TENM2: variants seen among roughly 807,000 people sequenced by gnomAD.
TENM2 encodes teneurin transmembrane protein 2.
TENM2 carries 52 observed loss-of-function variants against 245.2 expected under a neutral mutation model. The ratio of observed to expected loss-of-function variants is 0.21; its 90% CI spans 0.17 to 0.27. The LOEUF (loss-of-function observed/expected upper bound fraction) is 0.27, where lower values mean the gene tolerates loss of function less well. Among genes scored for constraint, TENM2 ranks in the 10% least tolerant of loss-of-function variants. TENM2 has a pLI of 1.00. For synonymous variants in TENM2, 1,363 were observed against 1,438.9 expected, an observed-to-expected ratio of 0.95 and a Z score of 1.19; for missense variants, 3,046 against 3,666.8, an observed-to-expected ratio of 0.83 and a Z score of 4.37.
chr5:168,019,012 A>G (rs984332614), intron 5 of TENM2, among the ~76,000 whole-genome samples: 1 of 152,176 alleles, frequency 6.6e-6, no homozygotes, highest in Non-Finnish European at 1.5e-5. Flanking sequence ...AGTACTTTAG[A>G]GGGGAGATGG....
intron 4 of TENM2, among the ~76,000 whole-genome samples, chr5:167,953,151 C>A (rs1045772046): frequency 6.6e-6 from 1 of 152,150 alleles, no homozygotes; most frequent in Admixed American, 6.5e-5. Flanking sequence ...CTGAAAGCTG[C>A]TGATAAATTA....
At chr5:167,640,301 G>A (rs1007227795) in intron 2 of TENM2, among the ~76,000 whole-genome samples, 1 of 152,162 alleles carries the variant, frequency 6.6e-6, no homozygotes, top group Non-Finnish European at 1.5e-5. Context: ...TTGTGAGAAC[G>A]AAGTAACAAA....
intron 2 of TENM2, among the ~76,000 whole-genome samples, chr5:167,726,134 G>A (rs1759987147): frequency 1.4e-5 from 2 of 146,066 alleles, no homozygotes; most frequent in Non-Finnish European, 1.5e-5. Context: ...CACGCTGCAC[G>A]GCATAGAGCA....
chr5:168,030,569 T>A (rs1787052247), intron 5 of TENM2, among the ~76,000 whole-genome samples: 1 of 152,174 alleles, frequency 6.6e-6, no homozygotes, highest in South Asian at 2.1e-4. Flanking sequence ...TCTGCTGGTC[T>A]GGGAACTACA....
chr5:168,199,820 C>CAGGTGTGTTTT, intron 16 of TENM2, 44 bp from the exon 19 acceptor site: 3 of 1,589,260 alleles, frequency 1.9e-6, no homozygotes, highest in Non-Finnish European at 2.6e-6. Context: ...TTTACCTGCA[C>CAGGTGTGTTTT]AGGTGTGTTT....
At chr5:167,761,485 A>C (rs1561750545) in intron 2 of TENM2, among the ~76,000 whole-genome samples, 1 of 152,156 alleles carries the variant, frequency 6.6e-6, no homozygotes, top group Non-Finnish European at 1.5e-5. Flanking sequence ...CCACATGGAG[A>C]AATATGGACT....
At chr5:168,248,256 C>T (rs1263221460) in exon 27 of TENM2, 1 of 1,614,032 alleles carries the variant, frequency 6.2e-7, no homozygotes, top group Non-Finnish European at 8.5e-7. Flanking sequence ...GATGGACCTC[C>T]CCAGACTATA....
intron 2 of TENM2, among the ~76,000 whole-genome samples, chr5:167,462,862 G>A (rs1413245783): frequency 6.6e-6 from 1 of 151,950 alleles, no homozygotes; most frequent in Non-Finnish European, 1.5e-5. Flanking sequence ...GCTGGAGGGT[G>A]GAGCGTTTGC....
chr5:167,555,388 T>C (rs980023824), intron 2 of TENM2, among the ~76,000 whole-genome samples: 1 of 152,244 alleles, frequency 6.6e-6, no homozygotes, highest in Non-Finnish European at 1.5e-5. Context: ...CTCATTTATA[T>C]GTTTCAAAAA....
At chr5:168,237,885 G>A (rs1421512227) in intron 25 of TENM2, among the ~76,000 whole-genome samples, 6 of 151,818 alleles carry the variant, frequency 4.0e-5, no homozygotes, top group Non-Finnish European at 8.8e-5. Flanking sequence ...GCTCATGCCT[G>A]TAATCCCAGC....
At chr5:168,028,799 CAAAAA>C (rs34319215) in intron 5 of TENM2, among the ~76,000 whole-genome samples, 197 of 122,100 alleles carry the variant, frequency 1.6e-3, no homozygotes, top group African/African-American at 5.4e-3. Context: ...TAGCAACTGT[CAAAAA>C]AAAAAAAAAA....
At chr5:167,908,298 C>T (rs541961464) in intron 3 of TENM2, among the ~76,000 whole-genome samples, 5 of 148,424 alleles carry the variant, frequency 3.4e-5, no homozygotes, top group Non-Finnish European at 6.0e-5. Context: ...TTCCCCTACC[C>T]TCCCTTCCCC....
At chr5:167,556,145 C>A (rs1773247218) in intron 2 of TENM2, among the ~76,000 whole-genome samples, 1 of 152,060 alleles carries the variant, frequency 6.6e-6, no homozygotes, top group African/African-American at 2.4e-5. Context: ...GAGTTACAAC[C>A]AATCAGATAT....
chr5:167,062,249 G>GT, the TENM2 span, among the ~76,000 whole-genome samples: 2 of 152,056 alleles, frequency 1.3e-5, no homozygotes, highest in Non-Finnish European at 2.9e-5. Flanking sequence ...AGTATGGAAT[G>GT]TAATAGTTGA....
Position 168,069,395 on chromosome 5 carries a change from G to T in TENM2, c.1515+7130G>T, listed in dbSNP as rs78098917. On this transcript the variant is annotated intron_variant, in intron 7 of 28. Transcript: ENST00000518659. ...GTTCATTGAAGCCCCTCTCAGTAAG[G>T]ATGCTTTGTAGGGAAGCTAAAGTTG... Among the ~76,000 whole-genome samples the T allele has an allele frequency of 9.7e-4, 147 of 152,284 alleles. 1 individual carries two copies. In the East Asian group the frequency reaches 0.027, roughly 28 times the overall value.
chr5:167,153,866 C>G, the TENM2 span, among the ~76,000 whole-genome samples: 1 of 152,038 alleles, frequency 6.6e-6, no homozygotes, highest in Non-Finnish European at 1.5e-5. Context: ...AGGTCAGAAA[C>G]TCATTACATT....
chr5:167,216,604 G>A, the TENM2 span, among the ~76,000 whole-genome samples: 1 of 152,244 alleles, frequency 6.6e-6, no homozygotes, highest in South Asian at 2.1e-4. Flanking sequence ...CAGCCAGATA[G>A]CAGATATCTT....
chr5:168,167,057 G>A (rs2152461105), intron 13 of TENM2, among the ~76,000 whole-genome samples: 1 of 151,984 alleles, frequency 6.6e-6, no homozygotes, highest in South Asian at 2.1e-4. Context: ...GCAGCTGGCA[G>A]ACTGTCTTTT....
the TENM2 span, among the ~76,000 whole-genome samples, chr5:167,235,630 C>T: frequency 6.6e-6 from 1 of 152,160 alleles, no homozygotes; most frequent in Non-Finnish European, 1.5e-5. Flanking sequence ...TGTAATGGCT[C>T]CTTTCTCAGA....
Sources: gnomAD v4.1 joint callset for allele counts (sites outside exome capture counted in the v4.1 genomes callset) on GRCh38, gnomAD v4.1.1 for gene constraint, MANE v1.5 for transcripts, NCBI Gene and HGNC (gene_info 2026-07-23, HGNC 2026-07-21) for gene names.